Variants in OR4E2 observed in about 807,000 individuals in gnomAD.
The protein encoded by OR4E2 is olfactory receptor 4E2.
OR4E2 carries 9 observed loss-of-function variants against 11.0 expected under a neutral mutation model. The ratio of observed to expected loss-of-function variants is 0.82; its 90% confidence interval spans 0.49 to 1.43. OR4E2 has a LOEUF of 1.43. OR4E2 is among the 40% of genes most tolerant of loss of function. The pLI is 0.00. For missense variants in OR4E2, 441 were observed against 382.0 expected (o/e 1.15, Z -1.29); for synonymous variants, 159 against 147.3 (o/e 1.08, Z -0.57).
rs1448666244 is a variant in OR4E2, at chr14:21,654,412, ACATGCACACACACGCTG to A, written c.-191+486_-191+502del. Among the ~76,000 whole-genome samples, 34 of 124,938 alleles carry A rather than the reference ACATGCACACACACGCTG, an allele frequency of 2.7e-4. No individual in the cohort carries two copies. The South Asian group carries it at 2.8e-3, about 10-fold the overall frequency. The allele number at this position is 124,938 out of a possible 152,430, so 82.0% of individuals were successfully genotyped here. On this transcript the variant is annotated intron_variant, in intron 1 of 3. Transcript: ENST00000641524. The stretch of plus-strand genomic sequence containing the variant: ...CACACACACACGCATGCACACACAC[ACATGCACACACACGCTG>A]CATGCACACACATGCATGCACACAC...
In OR4E2 at chr14:21,666,905, TG is replaced by T. The variant is rs1276322995; in HGVS notation, c.*883del. 6.6e-6 allele frequency: 1 copy of T among 152,204 alleles called. No homozygotes were observed. Among genetic ancestry groups the T allele is most frequent in the Non-Finnish European group, 1.5e-5 (1 of 68,082 alleles). The allele number at this position is 152,204 out of a possible 1,614,324, so 9.4% of individuals were successfully genotyped here. ...TGAGGTTTTACCACGTTGGCCAGGC[TG>T]GTCTCAAAACTCCTGAGTTCAAGCC... On this transcript the variant is annotated 3_prime_UTR_variant, in exon 4 of 4. Coordinates refer to ENST00000641524, the MANE Select transcript of OR4E2 (RefSeq NM_001001912.3).
chr14:21,662,378 C>T (rs1880377727), intron 3 of OR4E2, among the ~76,000 whole-genome samples: 1 of 152,088 alleles, frequency 6.6e-6, no homozygotes, highest in Admixed American at 6.5e-5. Flanking sequence ...CTCACTGCAG[C>T]CTCTGCCTCC....
chr14:21,666,676 T>C lies in OR4E2; in HGVS notation c.*652T>C, dbSNP rs183606328. On this transcript the variant is annotated 3_prime_UTR_variant, in exon 4 of 4. Coordinates refer to ENST00000641524, the MANE Select transcript of OR4E2 (RefSeq NM_001001912.3). ...ATACACCCACAAGAATAGTAAAAAT[T>C]AAAAAGGTAGAAAATACCAAGTGGT... 6.6e-6 allele frequency: 1 copy of C among 151,052 alleles called. No homozygotes were observed. The highest frequency in any genetic ancestry group is 2.4e-5 in the African/African-American group (1 of 41,178). The allele number at this position is 151,052 out of a possible 1,614,324, so 9.4% of individuals were successfully genotyped here. A position where few individuals can be genotyped will look rare whatever the true frequency, so the allele number is the denominator to read the frequency against.
At chr14:21,657,571 C>CTCTCTCTCTCTCTT (rs1291191849) in intron 2 of OR4E2, among the ~76,000 whole-genome samples, 46 of 140,724 alleles carry the variant, frequency 3.3e-4, no homozygotes, top group African/African-American at 1.2e-3. Flanking sequence ...CTCTCTCTCT[C>CTCTCTCTCTCTCTT]TCTCCCCCTT....
At chr14:21,661,996 T>G (rs938293548) in intron 3 of OR4E2, among the ~76,000 whole-genome samples, 3 of 152,228 alleles carry the variant, frequency 2.0e-5, no homozygotes, top group African/African-American at 4.8e-5. Flanking sequence ...CTAGTAGCAG[T>G]GTTAAGAGTA....
chr14:21,659,838 A>T (rs552730854), intron 2 of OR4E2, among the ~76,000 whole-genome samples: 1 of 152,322 alleles, frequency 6.6e-6, no homozygotes, highest in South Asian at 2.1e-4. Flanking sequence ...GAGAAAGAAA[A>T]TAATAAACAA....
chr14:21,654,411 C>CT (rs1879814912), intron 1 of OR4E2, among the ~76,000 whole-genome samples: 1 of 125,586 alleles, frequency 8.0e-6, no homozygotes, highest in Non-Finnish European at 1.9e-5. Context: ...TGCACACACA[C>CT]ACATGCACAC....
At chr14:21,658,975 CA>C (rs1695138532) in intron 2 of OR4E2, among the ~76,000 whole-genome samples, 1 of 152,030 alleles carries the variant, frequency 6.6e-6, no homozygotes, top group African/African-American at 2.4e-5. Context: ...AACTTACCCC[CA>C]AATTTTTGGA....
chr14:21,658,806 C>CA (rs1880155738), intron 2 of OR4E2, among the ~76,000 whole-genome samples: 1 of 151,552 alleles, frequency 6.6e-6, no homozygotes, highest in African/African-American at 2.4e-5. Context: ...CATTGACCTT[C>CA]AGTTTTTTTT....
chr14:21,655,990 C>A (rs185711884), intron 1 of OR4E2, among the ~76,000 whole-genome samples: 1 of 151,522 alleles, frequency 6.6e-6, no homozygotes, highest in African/African-American at 2.4e-5. Context: ...ATTAAAAAGG[C>A]GAAACCGCTG....
intron 1 of OR4E2, among the ~76,000 whole-genome samples, chr14:21,654,749 A>AGC (rs1879852484): frequency 1.4e-5 from 2 of 147,302 alleles, no homozygotes; most frequent in African/African-American, 5.0e-5. Context: ...ATATAAAATG[A>AGC]GAGAGAGAGA....
At chr14:21,663,428 C>T (rs549011968) in intron 3 of OR4E2, among the ~76,000 whole-genome samples, 20 of 151,916 alleles carry the variant, frequency 1.3e-4, no homozygotes, top group South Asian at 2.1e-4. Flanking sequence ...TGCAGTGAGC[C>T]GAGACCATGC....
rs1234140909 is a variant in OR4E2, at chr14:21,657,553, GTCTCTCTC to G, written c.-103+979_-103+986del. ...TCTTTCTTTCTTTCTTTTTCTGTCT[GTCTCTCTC>G]TCTCTCTCTCTCTCCCCCTTCCCTT... On this transcript the variant is annotated intron_variant, in intron 2 of 3. Coordinates refer to ENST00000641524, the MANE Select transcript of OR4E2 (RefSeq NM_001001912.3). Among the ~76,000 whole-genome samples, 95 of 111,874 alleles carry G rather than the reference GTCTCTCTC, an allele frequency of 8.5e-4. 2 individuals are homozygous for G. The highest frequency in any genetic ancestry group is 5.3e-4 in the Admixed American group (5 of 9,434). The allele number at this position is 111,874 out of a possible 152,430, so 73.4% of individuals were successfully genotyped here. A position where few individuals can be genotyped will look rare whatever the true frequency, so the allele number is the denominator to read the frequency against.
At chr14:21,660,815 T>A (rs1405615537) in intron 3 of OR4E2, 69 bp downstream of exon 3, 1 of 152,098 alleles carries the variant, frequency 6.6e-6, no homozygotes, top group Non-Finnish European at 1.5e-5. Context: ...TGAGAAAGAT[T>A]GTACCATTAT....
rs1239498286 is a variant in OR4E2, at chr14:21,667,033, C to T, written c.*1009C>T. On this transcript the variant is annotated 3_prime_UTR_variant, in exon 4 of 4. Transcript: ENST00000641524. ...AGTCCATATGAAGAGGGATCCATGA[C>T]AAATTTCTTAGGTAATGATGATGAT... 1.3e-5 allele frequency: 2 copies of T among 151,954 alleles called. No homozygotes were observed. Among genetic ancestry groups the T allele is most frequent in the Non-Finnish European group, 2.9e-5 (2 of 68,010 alleles). 9.4% of individuals were successfully genotyped at this position (151,954 alleles called of 1,614,324 possible).
rs1357329295 is a variant in OR4E2 at position 21,666,625 on chromosome 14, ATAAAAAGT to A, written c.*607_*614del. ...CTGTAAGTCTGAAATTATTGTCAAAATAAAAAGTTAAAACAAAACAAAACTATACACCC... is the reference window on the plus strand; with the variant it reads ...CTGTAAGTCTGAAATTATTGTCAAAATAAAACAAAACAAAACTATACACCC... On this transcript the variant is annotated 3_prime_UTR_variant, in exon 4 of 4. Transcript: ENST00000641524. The A allele has an allele frequency of 2.0e-5, 3 of 152,154 alleles. No individual in the cohort carries two copies. The highest frequency in any genetic ancestry group is 4.4e-5 in the Non-Finnish European group (3 of 68,038). 9.4% of individuals were successfully genotyped at this position (152,154 alleles called of 1,614,324 possible).
At chr14:21,654,897 C>T (rs2139793505) in intron 1 of OR4E2, among the ~76,000 whole-genome samples, 1 of 152,150 alleles carries the variant, frequency 6.6e-6, no homozygotes, top group Middle Eastern at 3.4e-3. Flanking sequence ...AATCTAGAGG[C>T]AGTCTGGAAA....
chr14:21,656,403 G>C (rs1425008003), intron 1 of OR4E2, 99 bp from the exon 2 acceptor site: 1 of 152,040 alleles, frequency 6.6e-6, no homozygotes, highest in Admixed American at 6.6e-5. Flanking sequence ...ACTTAAAAAG[G>C]TGAAACTGTT....
intron 2 of OR4E2, among the ~76,000 whole-genome samples, chr14:21,657,834 C>T (rs1329312068): frequency 6.6e-6 from 1 of 152,154 alleles, no homozygotes; most frequent in Admixed American, 6.5e-5. Context: ...AGGTGATCCA[C>T]CCCCTCGGCC....
Sources: gnomAD v4.1 joint callset for allele counts (sites outside exome capture counted in the v4.1 genomes callset) on GRCh38, gnomAD v4.1.1 for gene constraint, MANE v1.5 for transcripts, NCBI Gene and HGNC (gene_info 2026-07-23, HGNC 2026-07-21) for gene names.